The following GATAD2A variants were observed in gnomAD, a reference collection of about 807,000 sequenced individuals.
GATAD2A encodes the protein transcriptional repressor p66-alpha.
In GATAD2A, 12 loss-of-function variants were observed where a neutral mutation model predicts 68.5. The observed-to-expected ratio is 0.18, with a 90% CI of 0.11 to 0.28. The LOEUF (loss-of-function observed/expected upper bound fraction) is 0.28. Among genes scored for constraint, GATAD2A ranks in the 10% least tolerant of loss-of-function variants. The pLI is 1.00. For missense variants in GATAD2A, 755 were observed against 868.5 expected (o/e 0.87, Z 1.64); for synonymous variants, 410 against 375.3 (o/e 1.09, Z -1.07).
chr19:19,495,615 C>A, intron 5 of GATAD2A, 139 bp from the exon 6 acceptor site: 1 of 813,874 alleles, frequency 1.2e-6, no homozygotes. Flanking sequence ...CCATAATTTT[C>A]TTTAACTTCT....
intron 8 of GATAD2A, among the ~76,000 whole-genome samples, chr19:19,499,386 C>T (rs1359691499): frequency 6.6e-6 from 1 of 152,154 alleles, no homozygotes; most frequent in Non-Finnish European, 1.5e-5. Flanking sequence ...GCTGAGTCCT[C>T]TCCTGGTGAC....
At chr19:19,462,879 A>G (rs1340753577) in intron 1 of GATAD2A, among the ~76,000 whole-genome samples, 1 of 152,144 alleles carries the variant, frequency 6.6e-6, no homozygotes, top group Non-Finnish European at 1.5e-5. Flanking sequence ...AATGGGCTTC[A>G]TGGAACTGAG....
intron 11 of GATAD2A, among the ~76,000 whole-genome samples, chr19:19,502,910 T>C (rs953554620): frequency 6.6e-6 from 1 of 152,212 alleles, no homozygotes; most frequent in African/African-American, 2.4e-5. Flanking sequence ...TCTGTCATTG[T>C]GCCATCCATG....
intron 1 of GATAD2A, among the ~76,000 whole-genome samples, chr19:19,416,275 C>T (rs528421767): frequency 1.3e-5 from 2 of 152,024 alleles, no homozygotes; most frequent in South Asian, 2.1e-4. Flanking sequence ...CGGGCAAGAG[C>T]GAGGGCCTTA....
chr19:19,499,886 A>G (rs1032250261), intron 8 of GATAD2A, among the ~76,000 whole-genome samples: 10 of 151,842 alleles, frequency 6.6e-5, no homozygotes, highest in Non-Finnish European at 1.0e-4. Context: ...GACCTGGGGG[A>G]GCTATGGGGA....
At chr19:19,408,768 T>A (rs1463871599) in intron 1 of GATAD2A, among the ~76,000 whole-genome samples, 1 of 152,114 alleles carries the variant, frequency 6.6e-6, no homozygotes, top group East Asian at 1.9e-4. Flanking sequence ...TCGTAATTAA[T>A]CTTATAAACA....
At chr19:19,450,321 G>A (rs1189055880) in intron 1 of GATAD2A, among the ~76,000 whole-genome samples, 1 of 152,160 alleles carries the variant, frequency 6.6e-6, no homozygotes, top group Non-Finnish European at 1.5e-5. Context: ...GTTAGGAGGC[G>A]GTAGATGCCC....
chr19:19,481,417 A>C (rs1329136608), intron 2 of GATAD2A, among the ~76,000 whole-genome samples: 2 of 152,174 alleles, frequency 1.3e-5, no homozygotes, highest in Non-Finnish European at 2.9e-5. Context: ...TGTAGCCTCC[A>C]GCTCCTGGGC....
chr19:19,476,660 G>A (rs1378612940), intron 2 of GATAD2A, among the ~76,000 whole-genome samples: 1 of 152,220 alleles, frequency 6.6e-6, no homozygotes, highest in Non-Finnish European at 1.5e-5. Context: ...CTAACCTGGT[G>A]AAGGAGTGGA....
chr19:19,462,887 G>GAGCCC (rs1301328945), intron 1 of GATAD2A, among the ~76,000 whole-genome samples: 5 of 152,184 alleles, frequency 3.3e-5, no homozygotes, highest in Non-Finnish European at 5.9e-5. Context: ...TCATGGAACT[G>GAGCCC]AGCCCAGAGC....
upstream of GATAD2A, among the ~76,000 whole-genome samples, chr19:19,405,190 G>C (rs1369205530): frequency 6.6e-6 from 1 of 152,088 alleles, no homozygotes; most frequent in Non-Finnish European, 1.5e-5. Context: ...GTAGAATTCT[G>C]TTCACTGCAC....
chr19:19,501,467 TC>T, intron 9 of GATAD2A, 51 bp downstream of exon 9: 1 of 1,406,194 alleles, frequency 7.1e-7, no homozygotes, highest in Non-Finnish European at 9.7e-7. Context: ...CAGAGGCCGT[TC>T]CGCGATCCAC....
At chr19:19,447,550 G>A (rs1017638033) in intron 1 of GATAD2A, among the ~76,000 whole-genome samples, 5 of 152,226 alleles carry the variant, frequency 3.3e-5, no homozygotes, top group African/African-American at 1.2e-4. Flanking sequence ...CAAGGTAGAG[G>A]GTAGAAGTAG....
intron 1 of GATAD2A, among the ~76,000 whole-genome samples, chr19:19,415,924 A>G (rs558523591): frequency 6.6e-6 from 1 of 150,764 alleles, no homozygotes; most frequent in African/African-American, 2.5e-5. Flanking sequence ...CCGACTTTAC[A>G]TTTTAAGAGC....
chr19:19,448,113 G>A (rs2055946473), intron 1 of GATAD2A, among the ~76,000 whole-genome samples: 1 of 152,244 alleles, frequency 6.6e-6, no homozygotes. Flanking sequence ...CGGTCCAGGA[G>A]GCATCTGGGA....
At chr19:19,470,959 G>A (rs975474434) in intron 2 of GATAD2A, among the ~76,000 whole-genome samples, 4 of 152,124 alleles carry the variant, frequency 2.6e-5, no homozygotes, top group South Asian at 2.1e-4. Flanking sequence ...CATACTGGTC[G>A]AAAAGTAGAA....
At chr19:19,402,848 A>G (rs2049895150), upstream of GATAD2A, among the ~76,000 whole-genome samples, 1 of 140,894 alleles carries the variant, frequency 7.1e-6, no homozygotes, top group African/African-American at 2.7e-5. Flanking sequence ...ATCTTGGCTC[A>G]CTGCAACCTC....
chr19:19,465,412 G>A lies in GATAD2A; in HGVS notation c.67G>A (p.Asp23Asn), dbSNP rs754497901. Residue 23 changes from aspartate (D) to asparagine (N), a missense_variant, in exon 2 of 12, where the codon GAT becomes AAT. Physicochemically the swap from Asp to Asn is conservative, Grantham distance 23 (BLOSUM62 1). Coordinates refer to ENST00000683918, the MANE Select transcript of GATAD2A (RefSeq NM_001384528.1). ...GCTTGAACGGGACCCAACAGAGGAC[G>A]ATGTGGAGAGCAAGAAAATAAAAAT... ...RALERDPTED[D>N]VESKKIKMER... The A allele has an allele frequency of 3.9e-5, 63 of 1,613,800 alleles. 1 individual carries two copies. In the Middle Eastern group the frequency reaches 4.9e-4, roughly 13 times the overall value.
intron 1 of GATAD2A, among the ~76,000 whole-genome samples, chr19:19,430,288 G>A (rs1022733744): frequency 1.3e-4 from 20 of 152,176 alleles, no homozygotes; most frequent in Admixed American, 1.0e-3. Flanking sequence ...TGACTTCTGG[G>A]CTTCCTCAGG....
Sources: gnomAD v4.1 joint callset for allele counts (sites outside exome capture counted in the v4.1 genomes callset) on GRCh38, gnomAD v4.1.1 for gene constraint, MANE v1.5 for transcripts, NCBI Gene and HGNC (gene_info 2026-07-23, HGNC 2026-07-21) for gene names.